The following STK32B variants were observed in gnomAD, a reference collection of about 807,000 sequenced individuals.
STK32B encodes the protein serine/threonine kinase 32B.
In STK32B, 43 loss-of-function variants were observed where a neutral mutation model predicts 52.6. That is an observed-to-expected ratio of 0.82 (90% confidence interval 0.64 to 1.05). STK32B has a LOEUF of 1.05. Among genes scored for constraint, STK32B ranks in the 50% least tolerant of loss-of-function variants. The pLI is 0.00. For synonymous variants in STK32B, 238 were observed against 204.3 expected (o/e 1.17, Z -1.41); for missense variants, 621 against 534.6 (o/e 1.16, Z -1.59).
At chr4:5,450,233 C>T (rs1328544365) in intron 7 of STK32B, among the ~76,000 whole-genome samples, 2 of 152,228 alleles carry the variant, frequency 1.3e-5, no homozygotes, top group Non-Finnish European at 2.9e-5. Flanking sequence ...GTAGGGGCCA[C>T]TCCCCAGAAT....
At chr4:5,153,617 A>C (rs1470917502) in intron 2 of STK32B, among the ~76,000 whole-genome samples, 1 of 152,132 alleles carries the variant, frequency 6.6e-6, no homozygotes, top group Non-Finnish European at 1.5e-5. Context: ...TGAAAGATTA[A>C]ATGCTTTTCC....
At chr4:5,412,173 A>C (rs1204032403) in intron 5 of STK32B, among the ~76,000 whole-genome samples, 1 of 152,150 alleles carries the variant, frequency 6.6e-6, no homozygotes, top group Non-Finnish European at 1.5e-5. Context: ...CTCCATTAGC[A>C]TTTGTATTAA....
At chr4:5,073,654 A>G (rs1711910737) in intron 1 of STK32B, among the ~76,000 whole-genome samples, 1 of 152,060 alleles carries the variant, frequency 6.6e-6, no homozygotes. Flanking sequence ...GCTTTCAGAT[A>G]GTACAGGCCT....
chr4:5,398,198 C>T lies in STK32B; in HGVS notation c.435-9C>T, dbSNP rs756262998. The T allele has an allele frequency of 6.2e-7, 1 of 1,613,882 alleles. No homozygotes were observed. On this transcript the variant is annotated splice_polypyrimidine_tract_variant and intron_variant, in intron 4 of 11. Coordinates refer to ENST00000282908, the MANE Select transcript of STK32B (RefSeq NM_018401.3). This position sits in a 1 kb window ranked among gnomAD's most constrained non-coding sequence, Gnocchi z 4.9. ...ACCACATTGCCAGCTTCTTTGTTTT[C>T]TTTTACAGAGACATCAAGCCAGACA...
In STK32B at chr4:5,470,573, GGT is replaced by G. The variant is rs918057212; in HGVS notation, c.1106+2506_1106+2507del. On this transcript the variant is annotated intron_variant, in intron 11 of 11. Transcript: ENST00000282908. This position sits in a 1 kb window ranked among gnomAD's most constrained non-coding sequence, Gnocchi z 4.6. ...GCGTGCAGGCTTACTGCCATATAAA[GGT>G]GTCCAGGAGAGGGTTTTGCTGTGTC... is the stretch of plus-strand genomic sequence containing the variant. Among the ~76,000 whole-genome samples, 19 of 152,150 alleles carry G rather than the reference GGT, an allele frequency of 1.2e-4. No homozygotes were observed. Among genetic ancestry groups the G allele is most frequent in the African/African-American group, 3.9e-4 (16 of 41,516 alleles).
chr4:5,494,102 G>T (rs1455224406), intron 11 of STK32B, among the ~76,000 whole-genome samples: 1 of 152,002 alleles, frequency 6.6e-6, no homozygotes, highest in Non-Finnish European at 1.5e-5. Context: ...GGTCCACTTG[G>T]TGCAGAGCTG....
At chr4:5,294,500 G>A (rs1318290595) in intron 3 of STK32B, among the ~76,000 whole-genome samples, 1 of 152,004 alleles carries the variant, frequency 6.6e-6, no homozygotes, top group Non-Finnish European at 1.5e-5. Context: ...TCCCTTTTAA[G>A]TTGTATTCTT....
chr4:5,199,755 T>A (rs1026937995), intron 3 of STK32B, among the ~76,000 whole-genome samples: 2 of 151,986 alleles, frequency 1.3e-5, no homozygotes, highest in African/African-American at 4.8e-5. Context: ...TCCTAAATGT[T>A]CTCCCACCCC....
chr4:5,124,787 C>T (rs779819506), intron 1 of STK32B, among the ~76,000 whole-genome samples: 8 of 152,182 alleles, frequency 5.3e-5, no homozygotes, highest in Non-Finnish European at 1.2e-4. Context: ...GACATCCTTA[C>T]TCTTTGGTTG....
intron 3 of STK32B, among the ~76,000 whole-genome samples, chr4:5,220,313 G>T (rs1454023328): frequency 1.3e-5 from 2 of 152,220 alleles, no homozygotes; most frequent in East Asian, 3.8e-4. Flanking sequence ...GAAGGACAGG[G>T]TCCCAGCTCT....
chr4:5,152,028 T>C (rs1717410204), intron 2 of STK32B, among the ~76,000 whole-genome samples: 1 of 152,174 alleles, frequency 6.6e-6, no homozygotes, highest in Admixed American at 6.5e-5. Flanking sequence ...GGTGTCGCCA[T>C]GTGATCCAAG....
the STK32B span, among the ~76,000 whole-genome samples, chr4:5,022,413 C>G: frequency 1.3e-5 from 2 of 152,208 alleles, no homozygotes; most frequent in Non-Finnish European, 2.9e-5. Flanking sequence ...AGACGCCGCA[C>G]TGGATACAGG....
chr4:5,379,145 G>T (rs982584345), intron 4 of STK32B, among the ~76,000 whole-genome samples: 18 of 152,146 alleles, frequency 1.2e-4, no homozygotes, highest in Admixed American at 1.1e-3. Context: ...AGTAGCGAAT[G>T]ACTGGGCATC....
At position 5,311,915 on chromosome 4, in the gene STK32B, T is replaced by TATATATATATATATATATATA. The variant is rs1228362253; in HGVS notation, c.261-19305_261-19304insATATATATATATATATATATA. Among the ~76,000 whole-genome samples, 90 of 135,476 alleles carry TATATATATATATATATATATA rather than the reference T, an allele frequency of 6.6e-4. 1 individual carries two copies. Among genetic ancestry groups the TATATATATATATATATATATA allele is most frequent in the South Asian group, 1.7e-3 (8 of 4,572 alleles). The allele number at this position is 135,476 out of a possible 152,430, so 88.9% of individuals were successfully genotyped here. A position where few individuals can be genotyped will look rare whatever the true frequency, so the allele number is the denominator to read the frequency against. On this transcript the variant is annotated intron_variant, in intron 3 of 11. Coordinates refer to ENST00000282908, the MANE Select transcript of STK32B (RefSeq NM_018401.3). Reference sequence around the variant, plus strand: ...AAGTGCATACTTTTATATATATATATTTTTTTTTAAAGTTTATTCTTATTT... The same window carrying TATATATATATATATATATATA: ...AAGTGCATACTTTTATATATATATATATATATATATATATATATATATTTTTTTTAAAGTTTATTCTTATTT...
At chr4:5,362,732 A>G (rs75360805) in intron 4 of STK32B, among the ~76,000 whole-genome samples, 1,586 of 152,194 alleles carry the variant, frequency 0.01, 26 homozygotes, top group East Asian at 0.076. Flanking sequence ...ATACCCAAAG[A>G]AGGCTGGGGT....
chr4:5,290,579 C>A (rs1488730506), intron 3 of STK32B, among the ~76,000 whole-genome samples: 2 of 151,574 alleles, frequency 1.3e-5, no homozygotes, highest in East Asian at 3.9e-4. Flanking sequence ...CATTACACAG[C>A]ACGTGACTGC....
intron 1 of STK32B, among the ~76,000 whole-genome samples, chr4:5,119,571 G>A (rs963129988): frequency 5.9e-5 from 9 of 152,346 alleles, no homozygotes; most frequent in East Asian, 5.8e-4. Flanking sequence ...CCAGGCTTCT[G>A]TTCTCAAGGT....
rs1410350994 is a variant in STK32B at position 5,500,530 on chromosome 4, CTG to C, written c.*1451_*1452del. 6.6e-6 allele frequency: 1 copy of C among 152,136 alleles called. No homozygotes were observed. Among genetic ancestry groups the C allele is most frequent in the Non-Finnish European group, 1.5e-5 (1 of 68,028 alleles). The allele number at this position is 152,136 out of a possible 1,614,324, so 9.4% of individuals were successfully genotyped here. On this transcript the variant is annotated 3_prime_UTR_variant, in exon 12 of 12. Coordinates refer to ENST00000282908, the MANE Select transcript of STK32B (RefSeq NM_018401.3). Reference sequence around the variant, plus strand: ...TTTGTTACATCCTGCTGAAGTTCGACTGTGTTTTTATTTTTTCATCCAACTTC... The same window carrying C: ...TTTGTTACATCCTGCTGAAGTTCGACTGTTTTTATTTTTTCATCCAACTTC...
chr4:5,198,910 T>TA (rs200537378), intron 3 of STK32B, among the ~76,000 whole-genome samples: 1,574 of 152,308 alleles, frequency 0.01, 25 homozygotes, highest in African/African-American at 0.035. Context: ...AGGTGGCTGA[T>TA]CCTGTCTTTC....
Sources: allele counts gnomAD v4.1 joint callset (sites outside exome capture counted in the v4.1 genomes callset), GRCh38; gene constraint gnomAD v4.1.1; non-coding constraint Gnocchi (gnomAD v3.1); transcripts MANE v1.5; gene names NCBI Gene and HGNC (gene_info 2026-07-23, HGNC 2026-07-21).